TECPR2: variants seen among roughly 807,000 people sequenced by gnomAD.
TECPR2 encodes tectonin beta-propeller repeat-containing protein 2.
TECPR2 carries 65 observed loss-of-function variants against 138.1 expected under a neutral mutation model. The observed-to-expected ratio is 0.47, with a 90% confidence interval of 0.39 to 0.58. The LOEUF is 0.58. TECPR2 is among the 20% of genes least tolerant of loss of function. TECPR2 has a pLI of 0.00. For missense variants in TECPR2, 1,553 were observed against 1,824.5 expected (o/e 0.85, Z 2.71); for synonymous variants, 746 against 749.8 (o/e 0.99, Z 0.08).
rs1403565584 is a variant in TECPR2, at chr14:102,501,813, G to A, written c.*3556G>A. On this transcript the variant is annotated 3_prime_UTR_variant, in exon 20 of 20. Transcript: ENST00000359520. Reference sequence around the variant, plus strand: ...AAAACCAATAGGAGGAGCACTTCGAGTCGAGTGTAAGGGCCCTTCACAAAA... The same window carrying A: ...AAAACCAATAGGAGGAGCACTTCGAATCGAGTGTAAGGGCCCTTCACAAAA... The A allele has an allele frequency of 1.1e-4, 16 of 152,194 alleles. 1 individual carries two copies. Among genetic ancestry groups the A allele is most frequent in the Admixed American group, 1.0e-3 (16 of 15,270 alleles). The allele number at this position is 152,194 out of a possible 1,614,324, so 9.4% of individuals were successfully genotyped here.
At chr14:102,380,733 C>T (rs1368079948) in intron 2 of TECPR2, among the ~76,000 whole-genome samples, 1 of 152,242 alleles carries the variant, frequency 6.6e-6, no homozygotes, top group Non-Finnish European at 1.5e-5. Context: ...GGCTAGAGTG[C>T]AGTGGCGCGA....
At chr14:102,442,484 G>T (rs1889861796) in intron 11 of TECPR2, among the ~76,000 whole-genome samples, 1 of 152,196 alleles carries the variant, frequency 6.6e-6, no homozygotes, top group African/African-American at 2.4e-5. Flanking sequence ...CAAGGCACAT[G>T]CACATCTAAG....
chr14:102,449,618 C>A lies in TECPR2; in HGVS notation c.3076-11C>A, dbSNP rs1890084275. ...CTGACAGCAGGGCTTTTGCTTGTCT[C>A]CTCCTTCCAGGTGAGCATCACGGAC... On this transcript the variant is annotated splice_polypyrimidine_tract_variant and intron_variant, in intron 13 of 19. Transcript: ENST00000359520. 6.2e-7 allele frequency: 1 copy of A among 1,612,924 alleles called. No individual in the cohort carries two copies. Among genetic ancestry groups the A allele is most frequent in the Non-Finnish European group, 8.5e-7 (1 of 1,179,228 alleles).
intron 1 of TECPR2, among the ~76,000 whole-genome samples, chr14:102,374,236 T>G (rs944278925): frequency 6.6e-6 from 1 of 152,148 alleles, no homozygotes; most frequent in Middle Eastern, 3.2e-3. Context: ...AATTTTATAT[T>G]TAATATTTTT....
chr14:102,425,276 A>AAT lies in TECPR2; in HGVS notation c.936_937insAT (p.Asp313MetfsTer31). On this transcript the variant is annotated frameshift_variant, in exon 6 of 20. Coordinates refer to ENST00000359520, the MANE Select transcript of TECPR2 (RefSeq NM_014844.5). LOFTEE classifies it high-confidence loss of function. ...GGAATGAATATAGTATCTATCTCCT[A>AAT]GACACAGTCAACCAGGTAAGTGAAG... The AAT allele has an allele frequency of 6.3e-7, 1 of 1,590,112 alleles. No homozygotes were observed. Among genetic ancestry groups the AAT allele is most frequent in the South Asian group, 1.1e-5 (1 of 87,946 alleles).
chr14:102,404,255 A>G, intron 2 of TECPR2, among the ~76,000 whole-genome samples: 1 of 152,066 alleles, frequency 6.6e-6, no homozygotes, highest in Non-Finnish European at 1.5e-5. Flanking sequence ...TTATAAGTTA[A>G]TTCAATACAA....
At chr14:102,430,775 A>T (rs1043065953) in intron 7 of TECPR2, among the ~76,000 whole-genome samples, 1 of 152,178 alleles carries the variant, frequency 6.6e-6, no homozygotes, top group Non-Finnish European at 1.5e-5. Flanking sequence ...ACTGGCCTTG[A>T]TGCTGTGTGG....
At chr14:102,446,919 G>A (rs1276969134) in intron 13 of TECPR2, among the ~76,000 whole-genome samples, 1 of 152,166 alleles carries the variant, frequency 6.6e-6, no homozygotes, top group East Asian at 1.9e-4. Context: ...ATGAACAAAT[G>A]TGCTGAGAAA....
chr14:102,457,724 T>A (rs963701563), intron 16 of TECPR2, among the ~76,000 whole-genome samples: 1 of 152,032 alleles, frequency 6.6e-6, no homozygotes, highest in Non-Finnish European at 1.5e-5. Context: ...TCTAAAAATA[T>A]TTGTTAAAGT....
rs1887224464 is a variant in TECPR2 at position 102,363,098 on chromosome 14, G to C, written c.-91G>C. On this transcript the variant is annotated 5_prime_UTR_variant, in exon 1 of 20. Coordinates refer to ENST00000359520, the MANE Select transcript of TECPR2 (RefSeq NM_014844.5). ...CCGGCCCGGCGGGGCCGACGAGTCC[G>C]GAGGGGCTGCCGCGGGAGGTGAGTC... 2.3e-6 allele frequency: 1 copy of C among 431,804 alleles called. No individual in the cohort carries two copies. The highest frequency in any genetic ancestry group is 5.4e-5 in the South Asian group (1 of 18,408). 26.7% of individuals were successfully genotyped at this position (431,804 alleles called of 1,614,324 possible). A position where few individuals can be genotyped will look rare whatever the true frequency, so the allele number is the denominator to read the frequency against.
chr14:102,441,514 TAAAAAAA>T (rs755321740), intron 11 of TECPR2, among the ~76,000 whole-genome samples: 1 of 123,532 alleles, frequency 8.1e-6, no homozygotes, highest in Admixed American at 8.2e-5. Context: ...CTGTCTCTAC[TAAAAAAA>T]AAAAAAAAAA....
chr14:102,410,672 A>T (rs1189907727), intron 4 of TECPR2, among the ~76,000 whole-genome samples: 1 of 152,130 alleles, frequency 6.6e-6, no homozygotes, highest in Non-Finnish European at 1.5e-5. Context: ...CTCATTCCGG[A>T]CACTAGACCA....
At chr14:102,405,650 A>T (rs1284875126) in intron 2 of TECPR2, among the ~76,000 whole-genome samples, 1 of 152,230 alleles carries the variant, frequency 6.6e-6, no homozygotes, top group Non-Finnish European at 1.5e-5. Context: ...TTACCATATG[A>T]TACCAAAATT....
chr14:102,426,640 C>T (rs1183731275), intron 6 of TECPR2, among the ~76,000 whole-genome samples: 1 of 152,164 alleles, frequency 6.6e-6, no homozygotes. Flanking sequence ...AGGTGGATAA[C>T]CTGAGGTCAG....
At chr14:102,427,509 C>G (rs555135398) in intron 6 of TECPR2, among the ~76,000 whole-genome samples, 2 of 152,324 alleles carry the variant, frequency 1.3e-5, no homozygotes, top group South Asian at 4.1e-4. Context: ...AACATAGACT[C>G]TCCTTCTACA....
intron 17 of TECPR2, among the ~76,000 whole-genome samples, chr14:102,486,563 C>T (rs957088547): frequency 6.6e-5 from 10 of 152,240 alleles, no homozygotes; most frequent in Admixed American, 4.6e-4. Flanking sequence ...GCCCCTTCCA[C>T]AGGGGCCCTG....
chr14:102,435,362 G>A, intron 9 of TECPR2, 151 bp downstream of exon 9: 1 of 1,230,228 alleles, frequency 8.1e-7, no homozygotes, highest in Non-Finnish European at 1.1e-6. Flanking sequence ...CTGGGTTTCA[G>A]GGGATTTCCA....
At position 102,498,373 on chromosome 14, in the gene TECPR2, G is replaced by T; in HGVS notation, c.*116G>T. The T allele has an allele frequency of 7.9e-7, 1 of 1,261,188 alleles. No homozygotes were observed. Among genetic ancestry groups the T allele is most frequent in the South Asian group, 1.5e-5 (1 of 65,678 alleles). 78.1% of individuals were successfully genotyped at this position (1,261,188 alleles called of 1,614,324 possible). A position where few individuals can be genotyped will look rare whatever the true frequency, so the allele number is the denominator to read the frequency against. On this transcript the variant is annotated 3_prime_UTR_variant, in exon 20 of 20. Transcript: ENST00000359520. ...ACACTTGTCCAGACACCTCTGGCCA[G>T]GTTGGACCCGCACACTTACTTTCAT...
At chr14:102,365,275 T>C (rs1887313786) in intron 1 of TECPR2, among the ~76,000 whole-genome samples, 1 of 152,190 alleles carries the variant, frequency 6.6e-6, no homozygotes, top group Admixed American at 6.5e-5. Context: ...AAACAGATAA[T>C]GATGGTGCTG....
Sources: gnomAD v4.1 joint callset for allele counts (sites outside exome capture counted in the v4.1 genomes callset) on GRCh38, gnomAD v4.1.1 for gene constraint, MANE v1.5 for transcripts, NCBI Gene and HGNC (gene_info 2026-07-23, HGNC 2026-07-21) for gene names.